The following PRKN variants were observed in gnomAD, a reference collection of about 807,000 sequenced individuals.
The protein encoded by PRKN is E3 ubiquitin-protein ligase parkin.
PRKN carries 56 observed loss-of-function variants against 59.5 expected under a neutral mutation model. The ratio of observed to expected loss-of-function variants is 0.94; its 90% CI spans 0.76 to 1.18. The LOEUF (loss-of-function observed/expected upper bound fraction) is 1.18. Ranked by LOEUF, PRKN falls within the 50% of genes most tolerant of loss-of-function variation. PRKN has a pLI of 0.00. For synonymous variants in PRKN, 250 were observed against 222.1 expected, an observed-to-expected ratio of 1.13 and a Z score of -1.12; for missense variants, 657 against 596.4, an observed-to-expected ratio of 1.10 and a Z score of -1.06.
chr6:161,778,769 C>G (rs4709554), intron 7 of PRKN, among the ~76,000 whole-genome samples: 1 of 152,126 alleles, frequency 6.6e-6, no homozygotes, highest in Admixed American at 6.5e-5. Context: ...GCCCAAAGTG[C>G]CCATCGTGTT....
rs1222390071 is a variant in PRKN, at chr6:161,350,008, G to A, written c.*91C>T. 5.8e-6 allele frequency: 5 copies of A among 866,368 alleles called. No homozygotes were observed. The highest frequency in any genetic ancestry group is 9.5e-6 in the Non-Finnish European group (5 of 525,022). 53.7% of individuals were successfully genotyped at this position (866,368 alleles called of 1,614,324 possible). On this transcript the variant is annotated 3_prime_UTR_variant, in exon 12 of 12. Coordinates refer to ENST00000366898, the MANE Select transcript of PRKN (RefSeq NM_004562.3). ...AGTGTGTGTGCGCGCGCGCGCGTGT[G>A]TGTGTGTGTTTGAAAAGAGAATTAG... is the stretch of plus-strand genomic sequence containing the variant.
At chr6:162,116,393 A>G (rs1780673910) in intron 4 of PRKN, among the ~76,000 whole-genome samples, 1 of 152,200 alleles carries the variant, frequency 6.6e-6, no homozygotes. Flanking sequence ...CAATTTCTGC[A>G]TTATGATTCT....
chr6:161,563,464 C>A (rs1780528282), intron 8 of PRKN, among the ~76,000 whole-genome samples: 1 of 152,236 alleles, frequency 6.6e-6, no homozygotes, highest in Middle Eastern at 3.4e-3. Context: ...CTGAAGGGCT[C>A]ACCTGGAACT....
intron 4 of PRKN, among the ~76,000 whole-genome samples, chr6:162,088,333 A>C (rs960379438): frequency 1.3e-5 from 2 of 152,154 alleles, no homozygotes; most frequent in African/African-American, 4.8e-5. Flanking sequence ...TTACCGAGTT[A>C]ATGGGGAGCT....
chr6:162,581,138 G>C (rs975358626), intron 1 of PRKN, among the ~76,000 whole-genome samples: 1 of 152,052 alleles, frequency 6.6e-6, no homozygotes, highest in Non-Finnish European at 1.5e-5. Flanking sequence ...GTATTAAAAG[G>C]AGAACTGATA....
intron 8 of PRKN, among the ~76,000 whole-genome samples, chr6:161,565,671 G>A (rs1035007481): frequency 1.3e-5 from 2 of 152,158 alleles, no homozygotes; most frequent in African/African-American, 4.8e-5. Context: ...GTGGAACTGT[G>A]AGTCAATTAA....
rs1791356032 is a variant in PRKN at position 161,480,840 on chromosome 6, G to A, written c.1083+68014C>T. Among the ~76,000 whole-genome samples the A allele has an allele frequency of 6.6e-6, 1 of 152,196 alleles. No individual in the cohort carries two copies. The highest frequency in any genetic ancestry group is 6.5e-5 in the Admixed American group (1 of 15,280). Reference sequence around the variant, plus strand: ...AGCAGGCACCGCTTTTAATTTCATTGCTATAACTAATTAGCATTAGAGAAA... The same window carrying A: ...AGCAGGCACCGCTTTTAATTTCATTACTATAACTAATTAGCATTAGAGAAA... On this transcript the variant is annotated intron_variant, in intron 9 of 11. Transcript: ENST00000366898. The surrounding 1 kb of genome is among the most constrained non-coding windows in gnomAD (Gnocchi z 4.1).
intron 11 of PRKN, among the ~76,000 whole-genome samples, chr6:161,350,684 A>T (rs1362565291): frequency 2.5e-5 from 1 of 40,258 alleles, no homozygotes; most frequent in Non-Finnish European, 3.8e-5. Context: ...AAATATATAT[A>T]TTTTTATATA....
At chr6:162,048,765 G>A (rs1777495602) in intron 5 of PRKN, among the ~76,000 whole-genome samples, 1 of 151,346 alleles carries the variant, frequency 6.6e-6, no homozygotes, top group Non-Finnish European at 1.5e-5. Flanking sequence ...ACAAATTTGT[G>A]TTGGGCCACA....
chr6:161,759,816 T>C (rs1789115049), intron 7 of PRKN, among the ~76,000 whole-genome samples: 1 of 152,068 alleles, frequency 6.6e-6, no homozygotes, highest in Non-Finnish European at 1.5e-5. Context: ...GGTTTTAGGG[T>C]TCCCCAGATT....
chr6:162,063,393 T>C (rs1474564970), intron 4 of PRKN, among the ~76,000 whole-genome samples: 2 of 151,926 alleles, frequency 1.3e-5, no homozygotes, highest in Non-Finnish European at 2.9e-5. Context: ...ACAGGGAAAA[T>C]ACAAGTTAAA....
chr6:162,231,418 A>T lies in PRKN; in HGVS notation c.413-30166T>A, dbSNP rs145255877. Among the ~76,000 whole-genome samples, 599 of 152,300 alleles carry T rather than the reference A, an allele frequency of 3.9e-3. 3 individuals are homozygous for T. The highest frequency in any genetic ancestry group is 0.014 in the African/African-American group (583 of 41,572). Reference sequence around the variant, plus strand: ...GATAAGCATACTTTTTAAATGGGTAAGAAGTCATTGGGAAAAAATTTAACA... The same window carrying T: ...GATAAGCATACTTTTTAAATGGGTATGAAGTCATTGGGAAAAAATTTAACA... On this transcript the variant is annotated intron_variant, in intron 3 of 11. Coordinates refer to ENST00000366898, the MANE Select transcript of PRKN (RefSeq NM_004562.3).
In PRKN at chr6:161,560,063, A is replaced by T. The variant is rs1780398827; in HGVS notation, c.933+9292T>A. ...CCCCACATCATTGCTTCAGAGGCTC[A>T]AGCTGCCTGTCATTCTTATCACCCA... On this transcript the variant is annotated intron_variant, in intron 8 of 11. Transcript: ENST00000366898. This position sits in a 1 kb window ranked among gnomAD's most constrained non-coding sequence, Gnocchi z 4.9. Among the ~76,000 whole-genome samples, 1 of 152,122 alleles carries T rather than the reference A, an allele frequency of 6.6e-6. No homozygotes were observed. Among genetic ancestry groups the T allele is most frequent in the Non-Finnish European group, 1.5e-5 (1 of 68,018 alleles).
At chr6:162,132,851 G>T (rs566025561) in intron 4 of PRKN, among the ~76,000 whole-genome samples, 1 of 152,124 alleles carries the variant, frequency 6.6e-6, no homozygotes, top group South Asian at 2.1e-4. Flanking sequence ...TAGAGGAGAC[G>T]GCTTAGAGCT....
At chr6:162,366,413 T>C (rs970579810) in intron 2 of PRKN, among the ~76,000 whole-genome samples, 1 of 152,190 alleles carries the variant, frequency 6.6e-6, no homozygotes, top group African/African-American at 2.4e-5. Context: ...ATTATTCTTT[T>C]AAAATGTATT....
chr6:161,654,542 T>C (rs1224623975), intron 7 of PRKN, among the ~76,000 whole-genome samples: 2 of 152,184 alleles, frequency 1.3e-5, no homozygotes, highest in South Asian at 4.1e-4. Context: ...TGGTCTCCTT[T>C]CTGGTCTGTC....
chr6:162,569,281 C>T (rs1179970957), intron 1 of PRKN: 24 of 597,746 alleles, frequency 4.0e-5, no homozygotes, highest in South Asian at 2.0e-4. Context: ...AGGCCACCAT[C>T]GCAGATGTCA....
At chr6:162,400,280 T>C (rs1038654648) in intron 2 of PRKN, among the ~76,000 whole-genome samples, 1 of 151,248 alleles carries the variant, frequency 6.6e-6, no homozygotes, top group Non-Finnish European at 1.5e-5. Flanking sequence ...AAATAACACT[T>C]TGTAATAAAA....
At chr6:162,326,060 A>G (rs1198606552) in intron 2 of PRKN, among the ~76,000 whole-genome samples, 1 of 152,100 alleles carries the variant, frequency 6.6e-6, no homozygotes, top group Non-Finnish European at 1.5e-5. Context: ...AGGATGAATA[A>G]CTTGTAAAAT....
Sources: allele counts gnomAD v4.1 joint callset (sites outside exome capture counted in the v4.1 genomes callset), GRCh38; gene constraint gnomAD v4.1.1; non-coding constraint Gnocchi (gnomAD v3.1); transcripts MANE v1.5; gene names NCBI Gene and HGNC (gene_info 2026-07-23, HGNC 2026-07-21).